The following ASAP1 variants were observed in gnomAD, a reference collection of about 807,000 sequenced individuals.
ASAP1 encodes the protein arf-GAP with SH3 domain, ANK repeat and PH domain-containing protein 1.
ASAP1 carries 43 observed loss-of-function variants against 145.2 expected under a neutral mutation model. That is an observed-to-expected ratio of 0.30 (90% CI 0.23 to 0.38). The LOEUF is 0.38. Among genes scored for constraint, ASAP1 ranks in the 10% least tolerant of loss-of-function variants. The pLI is 1.00. For synonymous variants in ASAP1, 546 were observed against 515.5 expected, an observed-to-expected ratio of 1.06 and a Z score of -0.80; for missense variants, 1,018 against 1,355.3, an observed-to-expected ratio of 0.75 and a Z score of 3.91.
chr8:130,431,370 G>A (rs73713905), intron 1 of ASAP1, among the ~76,000 whole-genome samples: 4,358 of 152,208 alleles, frequency 0.029, 175 homozygotes, highest in East Asian at 0.099. Context: ...CAAGCTCCAG[G>A]ATATGGCTCC....
In ASAP1 at chr8:130,174,135, A is replaced by G. The variant is rs181362438; in HGVS notation, c.747-5068T>C. ...AAAAAAAGGCTTAGGAGTCAAAACC[A>G]TATCATATTTTATATTTTGGCTCTA... On this transcript the variant is annotated intron_variant, in intron 9 of 29. Coordinates refer to ENST00000518721, the MANE Select transcript of ASAP1 (RefSeq NM_018482.4). Among the ~76,000 whole-genome samples the G allele has an allele frequency of 1.4e-3, 217 of 150,898 alleles. 1 individual carries two copies. Among genetic ancestry groups the G allele is most frequent in the African/African-American group, 4.5e-3 (187 of 41,104 alleles).
At chr8:130,360,380 G>C (rs1256232699) in intron 2 of ASAP1, among the ~76,000 whole-genome samples, 10 of 152,162 alleles carry the variant, frequency 6.6e-5, no homozygotes, top group African/African-American at 2.2e-4. Flanking sequence ...CCCAGGACCT[G>C]GCTGTTATGT....
chr8:130,402,797 G>A (rs1174500756), intron 1 of ASAP1, among the ~76,000 whole-genome samples: 1 of 151,972 alleles, frequency 6.6e-6, no homozygotes, highest in Non-Finnish European at 1.5e-5. Context: ...TCCAGCTCTG[G>A]ACCAAGCCTC....
chr8:130,263,229 G>A lies in ASAP1; in HGVS notation c.187-26235C>T, dbSNP rs1820046558. Among the ~76,000 whole-genome samples, 4 of 152,146 alleles carry A rather than the reference G, an allele frequency of 2.6e-5. 1 individual carries two copies. The South Asian group carries it at 8.3e-4, about 32-fold the overall frequency. ...ACTTTTCTCCTAGCTATAGCTAACT[G>A]AACCAGGGAAGGTAGCATGACCCAA... On this transcript the variant is annotated intron_variant, in intron 3 of 29. Coordinates refer to ENST00000518721, the MANE Select transcript of ASAP1 (RefSeq NM_018482.4).
chr8:130,167,829 A>G (rs1448857611), intron 10 of ASAP1, among the ~76,000 whole-genome samples: 1 of 152,260 alleles, frequency 6.6e-6, no homozygotes, highest in Non-Finnish European at 1.5e-5. Context: ...TGCAACATGC[A>G]TTCTTATTAA....
chr8:130,437,161 G>T (rs1242917986), intron 1 of ASAP1, among the ~76,000 whole-genome samples: 1 of 151,434 alleles, frequency 6.6e-6, no homozygotes, highest in Non-Finnish European at 1.5e-5. Context: ...TTCAACAAAT[G>T]TGGTAACACA....
intron 5 of ASAP1, among the ~76,000 whole-genome samples, chr8:130,198,328 T>C (rs1317772599): frequency 6.6e-6 from 1 of 152,108 alleles, no homozygotes; most frequent in African/African-American, 2.4e-5. Context: ...TTTCGTCATG[T>C]TGAATCATAA....
chr8:130,107,252 G>A (rs996258912), intron 24 of ASAP1, among the ~76,000 whole-genome samples: 2 of 140,118 alleles, frequency 1.4e-5, no homozygotes, highest in Non-Finnish European at 3.0e-5. Flanking sequence ...GCACAATCTC[G>A]GCTCACTGCA....
At chr8:130,412,283 G>C (rs951274176) in intron 1 of ASAP1, among the ~76,000 whole-genome samples, 1 of 152,144 alleles carries the variant, frequency 6.6e-6, no homozygotes, top group African/African-American at 2.4e-5. Context: ...GAGGTAACTG[G>C]ATCATGGAGG....
chr8:130,104,998 G>A (rs1222522250), intron 24 of ASAP1, among the ~76,000 whole-genome samples: 1 of 152,026 alleles, frequency 6.6e-6, no homozygotes, highest in Non-Finnish European at 1.5e-5. Flanking sequence ...TATCCAACTT[G>A]GGACAATATA....
chr8:130,269,120 G>C (rs181355423), intron 3 of ASAP1, among the ~76,000 whole-genome samples: 1 of 152,142 alleles, frequency 6.6e-6, no homozygotes, highest in Non-Finnish European at 1.5e-5. Flanking sequence ...ACCAGAACAG[G>C]CCTTGAATTT....
chr8:130,439,358 G>GT (rs1295223711), intron 1 of ASAP1, among the ~76,000 whole-genome samples: 1 of 152,172 alleles, frequency 6.6e-6, no homozygotes, highest in African/African-American at 2.4e-5. Flanking sequence ...TAGTAAACTT[G>GT]TATGATGTAA....
At chr8:130,243,667 T>C (rs1818678873) in intron 3 of ASAP1, among the ~76,000 whole-genome samples, 1 of 152,148 alleles carries the variant, frequency 6.6e-6, no homozygotes, top group African/African-American at 2.4e-5. Context: ...ATTGCTGACC[T>C]CTCTCCTGAA....
At chr8:130,273,978 A>G (rs973543433) in intron 3 of ASAP1, among the ~76,000 whole-genome samples, 32 of 152,278 alleles carry the variant, frequency 2.1e-4, no homozygotes, top group African/African-American at 7.7e-4. Flanking sequence ...TCCACGAGAA[A>G]AGTAAAGAGA....
intron 1 of ASAP1, among the ~76,000 whole-genome samples, chr8:130,429,132 C>T (rs943553809): frequency 2.6e-5 from 4 of 152,168 alleles, no homozygotes; most frequent in Non-Finnish European, 5.9e-5. Context: ...TCCTAATTTC[C>T]TTTATAAGGA....
intron 24 of ASAP1, among the ~76,000 whole-genome samples, chr8:130,099,259 A>G (rs377152364): frequency 2.0e-5 from 3 of 151,418 alleles, no homozygotes; most frequent in African/African-American, 7.3e-5. Context: ...GCTCACTGCA[A>G]GCTCCACCTC....
chr8:130,187,208 C>CAA, intron 7 of ASAP1, 28 bp downstream of exon 7: 5 of 1,575,338 alleles, frequency 3.2e-6, no homozygotes, highest in Non-Finnish European at 4.3e-6. Context: ...AAAAAACAAA[C>CAA]AAAAACTCTA....
chr8:130,357,497 G>A (rs1450221726), intron 3 of ASAP1, among the ~76,000 whole-genome samples: 1 of 152,258 alleles, frequency 6.6e-6, no homozygotes, highest in Non-Finnish European at 1.5e-5. Context: ...AGTGGATACA[G>A]TCCCAGCCTG....
intron 3 of ASAP1, among the ~76,000 whole-genome samples, chr8:130,357,205 C>A (rs749561584): frequency 6.6e-6 from 1 of 152,180 alleles, no homozygotes; most frequent in Non-Finnish European, 1.5e-5. Context: ...CCCTGCCCCC[C>A]ACCCCCCACC....
Sources: gnomAD v4.1 joint callset for allele counts (sites outside exome capture counted in the v4.1 genomes callset) on GRCh38, gnomAD v4.1.1 for gene constraint, MANE v1.5 for transcripts, NCBI Gene and HGNC (gene_info 2026-07-23, HGNC 2026-07-21) for gene names.